Variants in P2RX5 observed in about 807,000 individuals in gnomAD.
P2RX5 encodes the protein P2X purinoceptor 5.
A neutral mutation model predicts 54.1 loss-of-function variants in P2RX5; 46 were observed. The observed-to-expected ratio is 0.85, with a 90% CI of 0.67 to 1.09. The LOEUF (loss-of-function observed/expected upper bound fraction) is 1.09, where lower values mean the gene tolerates loss of function less well. Ranked by LOEUF, P2RX5 falls within the 50% of genes least tolerant of loss-of-function variation. The pLI is 0.00. For missense variants in P2RX5, 566 were observed against 549.8 expected, an observed-to-expected ratio of 1.03 and a Z score of -0.29; for synonymous variants, 226 against 226.4, an observed-to-expected ratio of 1.00 and a Z score of 0.02.
At chr17:3,680,368 T>G (rs1452578824) in intron 10 of P2RX5, among the ~76,000 whole-genome samples, 59 of 117,854 alleles carry the variant, frequency 5.0e-4, no homozygotes, top group East Asian at 1.5e-3. Context: ...TCCTCCACCC[T>G]GCGTCCTCCA....
chr17:3,714,596 G>A, the P2RX5 span: 5 of 360,894 alleles, frequency 1.4e-5, no homozygotes, highest in Admixed American at 9.3e-5. Context: ...CAAATCCTAA[G>A]TAATACTGTA....
chr17:3,677,715 T>G, intron 11 of P2RX5: 3 of 985,384 alleles, frequency 3.0e-6, no homozygotes, highest in Non-Finnish European at 3.6e-6. Context: ...TAAGCACCTC[T>G]TGGTGGGCCC....
chr17:3,690,378 C>G (rs377199188), intron 5 of P2RX5, 49 bp downstream of exon 5: 20 of 1,434,752 alleles, frequency 1.4e-5, no homozygotes, highest in Non-Finnish European at 1.6e-5. Context: ...TGGGACCCAC[C>G]GCACGGGGCT....
At position 3,684,835 on chromosome 17, in the gene P2RX5, C is replaced by CT. The variant is rs138123642; in HGVS notation, c.982-2858dup. On this transcript the variant is annotated intron_variant, in intron 9 of 11. Transcript: ENST00000225328. Reference sequence around the variant, plus strand: ...ACTGTCTGCAGCCTAATCCTGCCCCCTTTTTTTTTTTTTTTTTTTTTTTTT... The same window carrying CT: ...ACTGTCTGCAGCCTAATCCTGCCCCCTTTTTTTTTTTTTTTTTTTTTTTTTT... 3.3e-3 allele frequency among the ~76,000 whole-genome samples: 287 copies of CT among 86,742 alleles called. 5 individuals carry two copies. The highest frequency in any genetic ancestry group is 9.9e-3 in the African/African-American group (250 of 25,294). 56.9% of individuals were successfully genotyped at this position (86,742 alleles called of 152,430 possible). A position where few individuals can be genotyped will look rare whatever the true frequency, so the allele number is the denominator to read the frequency against.
intron 1 of P2RX5, among the ~76,000 whole-genome samples, chr17:3,694,118 A>G (rs1371531468): frequency 1.3e-5 from 2 of 151,420 alleles, no homozygotes; most frequent in African/African-American, 2.4e-5. Flanking sequence ...CATGACCACA[A>G]TGTGGCAGCC....
chr17:3,698,299 G>A (rs564055300), upstream of P2RX5, among the ~76,000 whole-genome samples: 6 of 152,160 alleles, frequency 3.9e-5, no homozygotes, highest in South Asian at 2.1e-4. Context: ...CACAGGAGTC[G>A]CCTGAATTGC....
chr17:3,682,372 C>T (rs1338602354), intron 9 of P2RX5: 18 of 345,844 alleles, frequency 5.2e-5, no homozygotes, highest in South Asian at 3.3e-4. Context: ...GTGTCGATGA[C>T]GACCCACATA....
At chr17:3,693,485 C>T (rs1200694402) in intron 1 of P2RX5, among the ~76,000 whole-genome samples, 1 of 152,174 alleles carries the variant, frequency 6.6e-6, no homozygotes, top group Non-Finnish European at 1.5e-5. Context: ...CCTGTCATCC[C>T]AGCACTTTGG....
the P2RX5 span, among the ~76,000 whole-genome samples, chr17:3,710,049 A>C: frequency 6.6e-6 from 1 of 152,298 alleles, no homozygotes; most frequent in Non-Finnish European, 1.5e-5. Flanking sequence ...TATGACTAGA[A>C]GACCCAGAAA....
chr17:3,688,480 G>A (rs565564057), intron 8 of P2RX5, 146 bp downstream of exon 8: 2 of 868,734 alleles, frequency 2.3e-6, no homozygotes, highest in South Asian at 2.7e-5. Flanking sequence ...ACTCTGCTGG[G>A]GTCCACACCT....
At chr17:3,685,368 C>G (rs1200775488) in intron 9 of P2RX5, among the ~76,000 whole-genome samples, 4 of 152,218 alleles carry the variant, frequency 2.6e-5, no homozygotes, top group Admixed American at 6.5e-5. Flanking sequence ...AGAAAGCCCT[C>G]TTTTCCCACG....
intron 11 of P2RX5, chr17:3,677,544 C>T (rs560651135): frequency 2.0e-6 from 2 of 985,448 alleles, no homozygotes; most frequent in East Asian, 2.3e-4. Context: ...TGTCCAAGAG[C>T]TTTCTCTGAG....
At chr17:3,680,438 T>A (rs1350245059) in intron 10 of P2RX5, among the ~76,000 whole-genome samples, 21 of 88,192 alleles carry the variant, frequency 2.4e-4, no homozygotes, top group Non-Finnish European at 2.6e-4. Context: ...TCCTCCACCC[T>A]GCATCCTCCA....
chr17:3,683,458 C>T (rs1457955899), intron 9 of P2RX5, among the ~76,000 whole-genome samples: 1 of 152,214 alleles, frequency 6.6e-6, no homozygotes, highest in Non-Finnish European at 1.5e-5. Flanking sequence ...ATGGGCTGGG[C>T]GCAGTGGCTC....
At chr17:3,713,081 A>T in the P2RX5 span, among the ~76,000 whole-genome samples, 5 of 152,252 alleles carry the variant, frequency 3.3e-5, no homozygotes, top group African/African-American at 1.2e-4. Context: ...GCATAATAAC[A>T]GGTCAGGCGC....
intron 1 of P2RX5, among the ~76,000 whole-genome samples, chr17:3,693,362 T>C (rs2050670981): frequency 6.6e-6 from 1 of 152,114 alleles, no homozygotes; most frequent in Non-Finnish European, 1.5e-5. Flanking sequence ...TAAAATGAGG[T>C]AGTTATGGTA....
chr17:3,695,859 G>C lies in P2RX5; in HGVS notation c.137+10C>G. On this transcript the variant is annotated intron_variant, in intron 1 of 11. Coordinates refer to ENST00000225328, the MANE Select transcript of P2RX5 (RefSeq NM_002561.4). ...TCCCCCGCCTTCCCAAAAGTCCGCG[G>C]AGAACTTACACGACCAGGTACGCCA... 6.2e-7 allele frequency: 1 copy of C among 1,613,578 alleles called. No individual in the cohort carries two copies. Among genetic ancestry groups the C allele is most frequent in the Non-Finnish European group, 8.5e-7 (1 of 1,179,702 alleles).
chr17:3,695,456 C>T (rs2143002219), intron 1 of P2RX5, among the ~76,000 whole-genome samples: 1 of 152,196 alleles, frequency 6.6e-6, no homozygotes, highest in Admixed American at 6.5e-5. Context: ...TTATAAATAA[C>T]CTGCCGGCGC....
In P2RX5 at chr17:3,690,499, C is replaced by T. The variant is rs752554429; in HGVS notation, c.461G>A (p.Arg154Gln). ...GNGVKTGRCLRRENLARGTCE... is the reference protein window; with the variant it reads ...GNGVKTGRCLQRENLARGTCE... Reference sequence around the variant, plus strand: ...GGTGCCCCTGGCCAAGTTCTCTCTCCGCAGGCAGCGGCCGGTCTTCACTCC... The same window carrying T: ...GGTGCCCCTGGCCAAGTTCTCTCTCTGCAGGCAGCGGCCGGTCTTCACTCC... The change falls in exon 5 of 12, where the codon CGG (arginine) becomes CAG (glutamine). Residue 154 changes from arginine to glutamine, a missense_variant. Physicochemically the swap from Arg to Gln is conservative, Grantham distance 43. Transcript: ENST00000225328. 22 of 1,613,428 alleles carry T rather than the reference C, an allele frequency of 1.4e-5. No homozygotes were observed. Among genetic ancestry groups the T allele is most frequent in the Admixed American group, 6.7e-5 (4 of 59,992 alleles).
Sources: allele counts gnomAD v4.1 joint callset (sites outside exome capture counted in the v4.1 genomes callset), GRCh38; gene constraint gnomAD v4.1.1; transcripts MANE v1.5; gene names NCBI Gene and HGNC (gene_info 2026-07-23, HGNC 2026-07-21).